The following TBC1D8 variants were observed in gnomAD, a reference collection of about 807,000 sequenced individuals.
TBC1D8 encodes the protein BUB2-like protein 1.
TBC1D8 carries 65 observed loss-of-function variants against 118.8 expected under a neutral mutation model. The observed-to-expected ratio is 0.55, with a 90% CI of 0.45 to 0.67. The LOEUF (loss-of-function observed/expected upper bound fraction) is 0.67. Among genes scored for constraint, TBC1D8 ranks in the 30% least tolerant of loss-of-function variants. The pLI is 0.00. For missense variants in TBC1D8, 1,376 were observed against 1,471.2 expected (o/e 0.94, Z 1.06); for synonymous variants, 566 against 595.8 (o/e 0.95, Z 0.73).
At chr2:101,129,178 C>T (rs1025185590) in intron 1 of TBC1D8, among the ~76,000 whole-genome samples, 4 of 152,034 alleles carry the variant, frequency 2.6e-5, no homozygotes, top group East Asian at 1.9e-4. Context: ...CTTGTTCTGT[C>T]GCCCAGGTTG....
chr2:101,097,858 T>C (rs1344295221), intron 1 of TBC1D8, among the ~76,000 whole-genome samples: 1 of 152,182 alleles, frequency 6.6e-6, no homozygotes, highest in African/African-American at 2.4e-5. Flanking sequence ...GATGACACAG[T>C]GAGACCTTGT....
intron 17 of TBC1D8, among the ~76,000 whole-genome samples, chr2:101,017,315 AATAGT>A (rs1437701070): frequency 6.6e-6 from 1 of 152,162 alleles, no homozygotes; most frequent in Non-Finnish European, 1.5e-5. Context: ...AATAATGATA[AATAGT>A]ATAGTAATTA....
At position 101,020,052 on chromosome 2, in the gene TBC1D8, C is replaced by G. The variant is rs182339397; in HGVS notation, c.2827+1629G>C. ...TGCGCCACTGCATTCCAGCCTGGGC[C>G]ACAGAGCGAAACTCCGTCTCAAAAA... On this transcript the variant is annotated intron_variant, in intron 17 of 19. Coordinates refer to ENST00000409318, the MANE Select transcript of TBC1D8 (RefSeq NM_001330348.2). Among the ~76,000 whole-genome samples, 301 of 138,140 alleles carry G rather than the reference C, an allele frequency of 2.2e-3. 1 individual carries two copies. Among genetic ancestry groups the G allele is most frequent in the African/African-American group, 7.7e-3 (289 of 37,716 alleles). 90.6% of individuals were successfully genotyped at this position (138,140 alleles called of 152,430 possible).
intron 15 of TBC1D8, among the ~76,000 whole-genome samples, chr2:101,024,236 C>T (rs55829276): frequency 0.1 from 15,877 of 152,138 alleles, 956 homozygotes; most frequent in Non-Finnish European, 0.14. Context: ...AGCCAATAAA[C>T]ATGAACTGGC....
At chr2:101,032,974 C>T (rs531842561) in intron 10 of TBC1D8, 20 of 189,676 alleles carry the variant, frequency 1.1e-4, no homozygotes, top group African/African-American at 3.5e-4. Context: ...ACAGCACTGC[C>T]ATTTTAAATC....
At chr2:101,118,232 T>C (rs1430019610) in intron 1 of TBC1D8, among the ~76,000 whole-genome samples, 1 of 152,102 alleles carries the variant, frequency 6.6e-6, no homozygotes, top group Admixed American at 6.5e-5. Context: ...GTACTTTTTT[T>C]TTCATTTGTA....
At chr2:101,137,527 T>C (rs1382736040) in intron 1 of TBC1D8, among the ~76,000 whole-genome samples, 1 of 151,332 alleles carries the variant, frequency 6.6e-6, no homozygotes, top group South Asian at 2.1e-4. Context: ...TTAGCTAGGA[T>C]GGTCTCGATC....
rs760001571 is a variant in TBC1D8, at chr2:101,028,261, G to A, written c.2352+42C>T. The A allele has an allele frequency of 1.1e-5, 17 of 1,579,584 alleles. No homozygotes were observed. The East Asian group carries it at 3.7e-4, about 34-fold the overall frequency. On this transcript the variant is annotated intron_variant, in intron 13 of 19. Coordinates refer to ENST00000409318, the MANE Select transcript of TBC1D8 (RefSeq NM_001330348.2). ...ATCCCCCAGTCACAATTCCCGGGGG[G>A]TTAGGGGCTGCAACGGGGCATGGGG... is the stretch of plus-strand genomic sequence containing the variant.
At chr2:101,055,864 C>T (rs1200066653) in intron 3 of TBC1D8, among the ~76,000 whole-genome samples, 1 of 152,116 alleles carries the variant, frequency 6.6e-6, no homozygotes, top group African/African-American at 2.4e-5. Context: ...ATCCCAGCTA[C>T]TCAGGAGGCT....
intron 1 of TBC1D8, among the ~76,000 whole-genome samples, chr2:101,102,252 A>C (rs200233501): frequency 6.6e-6 from 1 of 151,852 alleles, no homozygotes; most frequent in Non-Finnish European, 1.5e-5. Flanking sequence ...TCAGGAGTTC[A>C]AGACCAGCCT....
At chr2:101,107,179 G>T (rs1394252733) in intron 1 of TBC1D8, among the ~76,000 whole-genome samples, 3 of 152,140 alleles carry the variant, frequency 2.0e-5, no homozygotes, top group Admixed American at 1.3e-4. Context: ...AGGCAAGAAT[G>T]ATCCAGATGG....
intron 1 of TBC1D8, among the ~76,000 whole-genome samples, chr2:101,111,926 A>C (rs1181770324): frequency 1.3e-5 from 2 of 152,176 alleles, no homozygotes; most frequent in Non-Finnish European, 2.9e-5. Flanking sequence ...TAAAAAAAAA[A>C]AAAAAACCTG....
intron 1 of TBC1D8, among the ~76,000 whole-genome samples, chr2:101,095,462 C>G (rs1676355939): frequency 7.5e-6 from 1 of 132,872 alleles, no homozygotes. Flanking sequence ...TCCATGTGTT[C>G]TCATTGTTCA....
chr2:101,096,295 C>G (rs111469167), intron 1 of TBC1D8, among the ~76,000 whole-genome samples: 2 of 151,966 alleles, frequency 1.3e-5, no homozygotes, highest in African/African-American at 4.8e-5. Flanking sequence ...TCTGAACACT[C>G]TGTCACCTAC....
chr2:101,105,875 A>G (rs1056950140), intron 1 of TBC1D8, among the ~76,000 whole-genome samples: 1 of 152,140 alleles, frequency 6.6e-6, no homozygotes, highest in Non-Finnish European at 1.5e-5. Flanking sequence ...TATTTACCCA[A>G]CTGACGTAAA....
chr2:101,090,428 T>A, intron 1 of TBC1D8, 64 bp from the exon 2 acceptor site: 1 of 1,567,836 alleles, frequency 6.4e-7, no homozygotes, highest in Non-Finnish European at 8.7e-7. Context: ...CTCATGCGTG[T>A]GAGGCATGTG....
chr2:101,071,907 T>G (rs985155336), intron 2 of TBC1D8, among the ~76,000 whole-genome samples: 1 of 152,230 alleles, frequency 6.6e-6, no homozygotes, highest in African/African-American at 2.4e-5. Flanking sequence ...TTTGCCCAGA[T>G]GAATCAGAGG....
At chr2:101,121,529 T>C (rs996753840) in intron 1 of TBC1D8, among the ~76,000 whole-genome samples, 6 of 152,374 alleles carry the variant, frequency 3.9e-5, no homozygotes, top group Admixed American at 3.9e-4. Context: ...TGGTGCCTTC[T>C]AGAGCTGTGT....
intron 1 of TBC1D8, among the ~76,000 whole-genome samples, chr2:101,132,045 C>G (rs1678619394): frequency 6.6e-6 from 1 of 152,142 alleles, no homozygotes; most frequent in African/African-American, 2.4e-5. Flanking sequence ...TTTGCATGTT[C>G]ATTTCACTTT....
Sources: allele counts gnomAD v4.1 joint callset (sites outside exome capture counted in the v4.1 genomes callset), GRCh38; gene constraint gnomAD v4.1.1; transcripts MANE v1.5; gene names NCBI Gene and HGNC (gene_info 2026-07-23, HGNC 2026-07-21).